Variants in VWCE observed in about 807,000 individuals in gnomAD.
The protein encoded by VWCE is von Willebrand factor C and EGF domain-containing protein.
In VWCE, 68 loss-of-function variants were observed where a neutral mutation model predicts 102.9. That is an observed-to-expected ratio of 0.66 (90% CI 0.54 to 0.81). The LOEUF (loss-of-function observed/expected upper bound fraction) is 0.81. Among genes scored for constraint, VWCE ranks in the 30% least tolerant of loss-of-function variants. The pLI, the probability that VWCE is intolerant of heterozygous loss-of-function variation, is 0.00. For synonymous variants in VWCE, 497 were observed against 515.4 expected (o/e 0.96, Z 0.48); for missense variants, 1,137 against 1,263.6 (o/e 0.90, Z 1.52).
At chr11:61,262,211 C>T (rs747797997) in intron 19 of VWCE, among the ~76,000 whole-genome samples, 25 of 152,166 alleles carry the variant, frequency 1.6e-4, no homozygotes, top group Non-Finnish European at 2.8e-4. Context: ...ACATCAGCCT[C>T]CCAAAGTGCT....
At chr11:61,291,059 C>T in intron 3 of VWCE, 132 bp from the exon 4 acceptor site, 1 of 1,405,944 alleles carries the variant, frequency 7.1e-7, no homozygotes, top group South Asian at 1.4e-5. Flanking sequence ...AAATCCAGCT[C>T]TGCCATTTAC....
chr11:61,282,965 G>T, intron 5 of VWCE, 60 bp from the exon 6 acceptor site: 1 of 1,426,296 alleles, frequency 7.0e-7, no homozygotes, highest in Non-Finnish European at 9.9e-7. Flanking sequence ...GGAAATATAT[G>T]GTCCCCTCTT....
At chr11:61,263,423 T>C (rs909382931) in intron 19 of VWCE, among the ~76,000 whole-genome samples, 11 of 152,100 alleles carry the variant, frequency 7.2e-5, no homozygotes, top group African/African-American at 2.7e-4. Context: ...CTCAGTTTTA[T>C]GTGGAATCTA....
intron 5 of VWCE, among the ~76,000 whole-genome samples, chr11:61,284,905 T>C (rs920866881): frequency 2.0e-5 from 3 of 151,016 alleles, no homozygotes; most frequent in Admixed American, 1.3e-4. Flanking sequence ...ATTGCAACAA[T>C]GCACTCCTGG....
At chr11:61,289,527 G>C (rs940738799) in intron 4 of VWCE, among the ~76,000 whole-genome samples, 2 of 152,168 alleles carry the variant, frequency 1.3e-5, no homozygotes, top group African/African-American at 4.8e-5. Context: ...TGGGATTACA[G>C]GCGTGAGCCA....
At chr11:61,267,437 G>C (rs1157753730) in intron 16 of VWCE, 25 bp downstream of exon 16, 3 of 1,611,526 alleles carry the variant, frequency 1.9e-6, no homozygotes, top group Non-Finnish European at 2.5e-6. Context: ...TCCAGGGGCG[G>C]GAGTCAGATC....
rs907322764 is a variant in VWCE at position 61,295,214 on chromosome 11, G to A, written c.-177C>T. The A allele has an allele frequency of 5.1e-6, 2 of 392,162 alleles. No individual in the cohort carries two copies. The highest frequency in any genetic ancestry group is 8.9e-6 in the Non-Finnish European group (2 of 224,322). The allele number at this position is 392,162 out of a possible 1,614,324, so 24.3% of individuals were successfully genotyped here. A position where few individuals can be genotyped will look rare whatever the true frequency, so the allele number is the denominator to read the frequency against. Reference sequence around the variant, plus strand: ...ACGCCGAGAGGAGGGGCCGAGGGCCGCGAGGGGACGCGGCGGACGATTGTG... The same window carrying A: ...ACGCCGAGAGGAGGGGCCGAGGGCCACGAGGGGACGCGGCGGACGATTGTG... On this transcript the variant is annotated 5_prime_UTR_variant, in exon 1 of 20. Coordinates refer to ENST00000335613, the MANE Select transcript of VWCE (RefSeq NM_152718.2). This position sits in a 1 kb window ranked among gnomAD's most constrained non-coding sequence, Gnocchi z 4.6.
rs2134740205 is a variant in VWCE, at chr11:61,265,015, C to A, written c.2080G>T (p.Val694Leu). 6.2e-7 allele frequency: 1 copy of A among 1,614,230 alleles called. No individual in the cohort carries two copies. ...CRDCNYEGRK[V>L]ANGQVFTLDD... Reference sequence around the variant, plus strand: ...AAGGTGAACACCTGGCCATTCGCCACCTTCCTTCCCTCGTAGTTGCAGTCT... The same window carrying A: ...AAGGTGAACACCTGGCCATTCGCCAACTTCCTTCCCTCGTAGTTGCAGTCT... Residue 694 changes from valine to leucine, a missense_variant, in exon 18 of 20, where the codon GTG (valine) becomes TTG (leucine). By Grantham distance (32) the Val-to-Leu change is conservative (BLOSUM62 1). Coordinates refer to ENST00000335613, the MANE Select transcript of VWCE (RefSeq NM_152718.2).
intron 16 of VWCE, among the ~76,000 whole-genome samples, chr11:61,265,562 G>A (rs1019133205): frequency 1.3e-5 from 2 of 152,196 alleles, no homozygotes; most frequent in Non-Finnish European, 2.9e-5. Context: ...TAGGGCCTAC[G>A]TGCAGTGGGT....
intron 1 of VWCE, among the ~76,000 whole-genome samples, chr11:61,292,299 A>G (rs1450420191): frequency 6.6e-6 from 1 of 151,688 alleles, no homozygotes; most frequent in Non-Finnish European, 1.5e-5. Context: ...CTTCACCCAG[A>G]TCTCTGCCCA....
Position 61,295,015 on chromosome 11 carries a change from C to A in VWCE, c.23G>T (p.Arg8Leu), listed in dbSNP as rs758731458. MWAGLLL[R>L]AACVALLLPG... ...CAGCAGGAGCGCGACACAGGCGGCC[C>A]GAAGGAGCAGTCCGGCCCACATGAC... Residue 8 changes from arginine to leucine, a missense_variant, in exon 1 of 20, where the codon CGG becomes CTG. By Grantham distance (102) the Arg-to-Leu change is moderately radical. Transcript: ENST00000335613. The surrounding 1 kb of genome is among the most constrained non-coding windows in gnomAD (Gnocchi z 4.6). 1 of 1,467,914 alleles carries A rather than the reference C, an allele frequency of 6.8e-7. No individual in the cohort carries two copies. The highest frequency in any genetic ancestry group is 1.3e-5 in the South Asian group (1 of 76,992). The allele number at this position is 1,467,914 out of a possible 1,614,324, so 90.9% of individuals were successfully genotyped here.
chr11:61,274,779 G>T (rs1854853187), intron 11 of VWCE, among the ~76,000 whole-genome samples, 195 bp from the exon 12 acceptor site: 1 of 152,180 alleles, frequency 6.6e-6, no homozygotes, highest in African/African-American at 2.4e-5. Flanking sequence ...TGCCGACAAA[G>T]GGGTGGGTGT....
chr11:61,281,935 G>A (rs370207441), intron 6 of VWCE, 21 bp from the exon 7 acceptor site: 60 of 1,605,458 alleles, frequency 3.7e-5, no homozygotes, highest in Non-Finnish European at 1.7e-6. Context: ...GCCTCGCTGC[G>A]GACAGCTGCT....
intron 5 of VWCE, among the ~76,000 whole-genome samples, chr11:61,284,705 C>G (rs948049564): frequency 6.6e-6 from 1 of 152,040 alleles, no homozygotes; most frequent in Non-Finnish European, 1.5e-5. Context: ...CCCAGCACTT[C>G]AGGAGGCCAA....
At chr11:61,260,215 ACTGCACTCCAGCCT>A (rs1854311900) in intron 19 of VWCE, among the ~76,000 whole-genome samples, 1 of 152,298 alleles carries the variant, frequency 6.6e-6, no homozygotes, top group East Asian at 1.9e-4. Context: ...AGATCGTGCC[ACTGCACTCCAGCCT>A]GGGAGACAGA....
intron 14 of VWCE, 42 bp downstream of exon 14, chr11:61,271,633 C>T: frequency 6.4e-7 from 1 of 1,565,328 alleles, no homozygotes; most frequent in Non-Finnish European, 8.7e-7. Context: ...TGAGGCGGGG[C>T]AGCCAGGTAA....
intron 19 of VWCE, among the ~76,000 whole-genome samples, chr11:61,263,952 G>A (rs1319450780): frequency 6.6e-6 from 1 of 152,260 alleles, no homozygotes; most frequent in South Asian, 2.1e-4. Context: ...CAGGCCGGGC[G>A]CAGTGGCTCA....
chr11:61,293,250 A>C (rs1207868462), intron 1 of VWCE, among the ~76,000 whole-genome samples: 2 of 148,060 alleles, frequency 1.4e-5, no homozygotes, highest in Admixed American at 6.7e-5. Context: ...TCAAAAAAAA[A>C]AAAAAAAAAA....
chr11:61,282,965 G>A, intron 5 of VWCE, 60 bp from the exon 6 acceptor site: 1 of 1,426,296 alleles, frequency 7.0e-7, no homozygotes, highest in East Asian at 2.3e-5. Flanking sequence ...GGAAATATAT[G>A]GTCCCCTCTT....
Sources: gnomAD v4.1 joint callset for allele counts (sites outside exome capture counted in the v4.1 genomes callset) on GRCh38, gnomAD v4.1.1 for gene constraint, Gnocchi (gnomAD v3.1) non-coding constraint, MANE v1.5 for transcripts, NCBI Gene and HGNC (gene_info 2026-07-23, HGNC 2026-07-21) for gene names.